DOCK1: variants seen among roughly 807,000 people sequenced by gnomAD.
DOCK1 encodes the protein dedicator of cytokinesis 1.
Under a neutral mutation model 262.7 loss-of-function variants are expected in DOCK1, and 138 were observed. That is an observed-to-expected ratio of 0.53 (90% CI 0.46 to 0.61). The LOEUF is 0.61. Ranked by LOEUF, DOCK1 falls within the 20% of genes least tolerant of loss-of-function variation. The pLI, the probability that DOCK1 is intolerant of heterozygous loss-of-function variation, is 0.00. For missense variants in DOCK1, 1,908 were observed against 2,370.7 expected (o/e 0.80, Z 4.05); for synonymous variants, 866 against 867.4 (o/e 1.00, Z 0.03).
At chr10:127,365,009 CTG>C in intron 33 of DOCK1, among the ~76,000 whole-genome samples, 1 of 152,168 alleles carries the variant, frequency 6.6e-6, no homozygotes, top group Non-Finnish European at 1.5e-5. Flanking sequence ...TGTATAAAGA[CTG>C]TACTAATACA....
intron 1 of DOCK1, among the ~76,000 whole-genome samples, chr10:126,925,514 G>A (rs772000799): frequency 4.6e-5 from 7 of 152,260 alleles, no homozygotes; most frequent in Middle Eastern, 3.4e-3. Flanking sequence ...CTGCCAAGTA[G>A]CTGGGATTAC....
intron 4 of DOCK1, among the ~76,000 whole-genome samples, chr10:126,982,374 T>A (rs761375957): frequency 1.2e-4 from 19 of 152,110 alleles, no homozygotes; most frequent in Admixed American, 3.3e-4. Context: ...GAAGCAACAG[T>A]TGTTAAATTG....
chr10:126,984,600 CTTAAG>C (rs2039225954), intron 4 of DOCK1, among the ~76,000 whole-genome samples: 1 of 151,794 alleles, frequency 6.6e-6, no homozygotes, highest in Admixed American at 6.6e-5. Flanking sequence ...AACTTCTGAC[CTTAAG>C]TGATCTGCCT....
At chr10:126,922,925 A>G (rs963844336) in intron 1 of DOCK1, among the ~76,000 whole-genome samples, 13 of 152,176 alleles carry the variant, frequency 8.5e-5, no homozygotes. Flanking sequence ...AGCCTGACCA[A>G]CATGGAGAAA....
In DOCK1 at chr10:127,061,752, G is replaced by C; in HGVS notation, c.2421G>C (p.Met807Ile). ...FRSINDMMSS[M>I]SDQTVRVKGA... ...CCATCAATGACATGATGAGCAGCATGTCAGACCAGACCGTCCGGGTGAAGG... is the reference window on the plus strand; with the variant it reads ...CCATCAATGACATGATGAGCAGCATCTCAGACCAGACCGTCCGGGTGAAGG... Residue 807 changes from methionine (M) to isoleucine (I), a missense_variant, in exon 23 of 52, where the codon ATG becomes ATC. This residue lies in a region of DOCK1 where 518 missense variants were observed against 575.1 expected (regional missense o/e 0.90). Coordinates refer to ENST00000623213, the MANE Select transcript of DOCK1 (RefSeq NM_001290223.2). 1 of 1,592,204 alleles carries C rather than the reference G, an allele frequency of 6.3e-7. No individual in the cohort carries two copies. Among genetic ancestry groups the C allele is most frequent in the African/African-American group, 1.3e-5 (1 of 74,674 alleles).
At chr10:127,367,229 G>A (rs7907413) in intron 33 of DOCK1, among the ~76,000 whole-genome samples, 16,821 of 152,202 alleles carry the variant, frequency 0.11, 1,150 homozygotes, top group East Asian at 0.29. Flanking sequence ...CCGCAGTGGC[G>A]GGCATTTCAT....
chr10:127,076,521 A>C (rs1283882035), intron 23 of DOCK1, among the ~76,000 whole-genome samples: 2 of 152,130 alleles, frequency 1.3e-5, no homozygotes, highest in East Asian at 3.9e-4. Flanking sequence ...AGAAAATACC[A>C]AGAACCAGAA....
intron 38 of DOCK1, among the ~76,000 whole-genome samples, chr10:127,397,993 A>G (rs1228391438): frequency 6.6e-6 from 1 of 152,112 alleles, no homozygotes; most frequent in Admixed American, 6.6e-5. Context: ...CCGATTTGGC[A>G]AGGCAGAGGT....
At chr10:127,212,175 C>G (rs993089073) in intron 27 of DOCK1, among the ~76,000 whole-genome samples, 1 of 152,076 alleles carries the variant, frequency 6.6e-6, no homozygotes, top group African/African-American at 2.4e-5. Context: ...CCCCAGTTCA[C>G]TGATTTCTCA....
At chr10:126,908,195 T>A (rs1463376411) in intron 1 of DOCK1, among the ~76,000 whole-genome samples, 1 of 152,172 alleles carries the variant, frequency 6.6e-6, no homozygotes, top group Non-Finnish European at 1.5e-5. Flanking sequence ...TGTCTGCAAG[T>A]GTGCAGTGGG....
chr10:127,010,090 C>G (rs144062281), intron 11 of DOCK1, among the ~76,000 whole-genome samples: 1 of 149,912 alleles, frequency 6.7e-6, no homozygotes, highest in East Asian at 2.0e-4. Context: ...CAACTAGAGG[C>G]AAAGGTCTCT....
chr10:127,318,701 T>G (rs1351289733), intron 29 of DOCK1, among the ~76,000 whole-genome samples: 1 of 152,204 alleles, frequency 6.6e-6, no homozygotes. Context: ...CAGGACTATT[T>G]TAAATGCTGG....
chr10:127,150,416 T>A (rs1196137806), intron 27 of DOCK1, among the ~76,000 whole-genome samples: 1 of 152,138 alleles, frequency 6.6e-6, no homozygotes, highest in Non-Finnish European at 1.5e-5. Context: ...CAGGGCAGAA[T>A]CACACAGACC....
intron 27 of DOCK1, among the ~76,000 whole-genome samples, chr10:127,147,105 T>C (rs1445450178): frequency 6.6e-6 from 1 of 152,342 alleles, no homozygotes; most frequent in East Asian, 1.9e-4. Flanking sequence ...TCATTCAGTC[T>C]CATAATGTTA....
intron 25 of DOCK1, among the ~76,000 whole-genome samples, chr10:127,117,226 CAG>C (rs1360309110): frequency 6.6e-6 from 1 of 152,138 alleles, no homozygotes; most frequent in Non-Finnish European, 1.5e-5. Flanking sequence ...TGAGAGTCTT[CAG>C]AGTCATCTAC....
At chr10:127,278,915 A>T (rs1465409527) in intron 29 of DOCK1, among the ~76,000 whole-genome samples, 1 of 152,206 alleles carries the variant, frequency 6.6e-6, no homozygotes, top group African/African-American at 2.4e-5. Flanking sequence ...TGACTCCTGA[A>T]GTCTTCATCA....
At chr10:127,071,570 G>T (rs769061016) in intron 23 of DOCK1, among the ~76,000 whole-genome samples, 2 of 152,090 alleles carry the variant, frequency 1.3e-5, no homozygotes, top group East Asian at 3.9e-4. Context: ...TGCAACCTGC[G>T]TAGTTTTTGG....
At chr10:127,147,173 C>G (rs1229184617) in intron 27 of DOCK1, among the ~76,000 whole-genome samples, 1 of 152,170 alleles carries the variant, frequency 6.6e-6, no homozygotes, top group Non-Finnish European at 1.5e-5. Flanking sequence ...AACTTGCCTT[C>G]TTTTGGAGCT....
At chr10:126,949,900 G>C (rs901669328) in intron 1 of DOCK1, among the ~76,000 whole-genome samples, 51 of 152,198 alleles carry the variant, frequency 3.4e-4, no homozygotes, top group South Asian at 1.2e-3. Context: ...TGGGAGGGCT[G>C]TGCTTTTTTA....
Sources: allele counts gnomAD v4.1 joint callset (sites outside exome capture counted in the v4.1 genomes callset), GRCh38; gene constraint gnomAD v4.1.1; regional missense constraint gnomAD v4.1.1; transcripts MANE v1.5; gene names NCBI Gene and HGNC (gene_info 2026-07-23, HGNC 2026-07-21).